The following GSAP variants were observed in gnomAD, a reference collection of about 807,000 sequenced individuals.
GSAP encodes the protein gamma-secretase activating protein, also known as gamma-secretase-activating protein.
GSAP carries 118 observed loss-of-function variants against 131.7 expected under a neutral mutation model. That is an observed-to-expected ratio of 0.90 (90% confidence interval 0.77 to 1.04). GSAP has a LOEUF of 1.04. GSAP is among the 50% of genes least tolerant of loss of function. The pLI, the probability that GSAP is intolerant of heterozygous loss-of-function variation, is 0.00. For missense variants in GSAP, 1,019 were observed against 1,013.2 expected (o/e 1.01, Z -0.08); for synonymous variants, 381 against 363.4 (o/e 1.05, Z -0.55).
intron 3 of GSAP, 128 bp downstream of exon 3, chr7:77,404,429 TTC>T (rs1267524000): frequency 3.9e-5 from 26 of 673,760 alleles, no homozygotes; most frequent in Non-Finnish European, 6.1e-5. Flanking sequence ...CAAATTGCAA[TTC>T]TGTTTTTTCA....
chr7:77,311,476 G>T, intron 30 of GSAP, 27 bp from the exon 31 acceptor site: 1 of 1,224,930 alleles, frequency 8.2e-7, no homozygotes, highest in Non-Finnish European at 1.2e-6. Context: ...AGAGGGCAGG[G>T]AAAAAGGGTT....
intron 6 of GSAP, among the ~76,000 whole-genome samples, chr7:77,382,875 T>C (rs985306921): frequency 2.6e-5 from 4 of 152,214 alleles, no homozygotes; most frequent in African/African-American, 9.6e-5. Context: ...TACAACACTA[T>C]CTTCACTTAT....
intron 9 of GSAP, 37 bp downstream of exon 9, chr7:77,377,249 A>AAG: frequency 7.2e-7 from 1 of 1,386,050 alleles, no homozygotes; most frequent in African/African-American, 1.5e-5. Context: ...AAAAAAAAAA[A>AAG]AAAAAAAAAG....
chr7:77,337,376 T>C (rs1416074321), intron 19 of GSAP, among the ~76,000 whole-genome samples: 1 of 152,118 alleles, frequency 6.6e-6, no homozygotes, highest in Non-Finnish European at 1.5e-5. Context: ...GGTTTCACCA[T>C]GTTGGCCAGG....
At chr7:77,314,578 T>TGAAC in intron 26 of GSAP, 89 bp from the exon 27 acceptor site, 9 of 1,443,444 alleles carry the variant, frequency 6.2e-6, no homozygotes, top group African/African-American at 1.4e-5. Context: ...AATAAAGCAC[T>TGAAC]TAGTTCAGTG....
In GSAP at chr7:77,360,874, A is replaced by T. The variant is rs1412442792; in HGVS notation, c.977T>A (p.Leu326His). The T allele has an allele frequency of 4.4e-6, 7 of 1,603,880 alleles. No individual in the cohort carries two copies. Among genetic ancestry groups the T allele is most frequent in the Non-Finnish European group, 6.0e-6 (7 of 1,170,936 alleles). Reference protein sequence around the residue: ...KGHSKTFTTSLENVGSHMTKG... With the variant: ...KGHSKTFTTSHENVGSHMTKG... Reference sequence around the variant, plus strand: ...TGTCATGTGTGACCCAACATTCTCAAGAGAAGTGGTGAAGGTCTTGCTGTG... The same window carrying T: ...TGTCATGTGTGACCCAACATTCTCATGAGAAGTGGTGAAGGTCTTGCTGTG... The change falls in exon 14 of 31, where the codon CTT (leucine) becomes CAT (histidine). Residue 326 changes from leucine to histidine, a missense_variant. Transcript: ENST00000257626.
At chr7:77,410,533 A>C (rs1310413289) in intron 1 of GSAP, among the ~76,000 whole-genome samples, 1 of 152,248 alleles carries the variant, frequency 6.6e-6, no homozygotes, top group Non-Finnish European at 1.5e-5. Flanking sequence ...CTCATGAATA[A>C]AACAATGTAG....
At chr7:77,415,902 C>T in intron 1 of GSAP, 1 of 296,302 alleles carries the variant, frequency 3.4e-6, no homozygotes, top group Non-Finnish European at 6.3e-6. Context: ...CTGCCCTCGC[C>T]GTGAGGTGAT....
At position 77,329,894 on chromosome 7, in the gene GSAP, C is replaced by T. The variant is rs115652864; in HGVS notation, c.1674+345G>A. ...CGTCCACTATTCTCCCTCCAACTAC[C>T]CCAACCCCTAATGACCACTAAGTTG... On this transcript the variant is annotated intron_variant, in intron 20 of 30. Coordinates refer to ENST00000257626, the MANE Select transcript of GSAP (RefSeq NM_017439.4). The T allele has an allele frequency of 7.4e-3, 1,293 of 174,282 alleles. 15 individuals are homozygous for T. Among genetic ancestry groups the T allele is most frequent in the African/African-American group, 0.028 (1,194 of 42,190 alleles). The allele number at this position is 174,282 out of a possible 1,614,324, so 10.8% of individuals were successfully genotyped here. A position where few individuals can be genotyped will look rare whatever the true frequency, so the allele number is the denominator to read the frequency against.
At chr7:77,376,220 T>C (rs1204851352) in intron 10 of GSAP, among the ~76,000 whole-genome samples, 1 of 152,194 alleles carries the variant, frequency 6.6e-6, no homozygotes, top group African/African-American at 2.4e-5. Context: ...GCCATTACTT[T>C]TAAATGATTA....
chr7:77,394,323 T>C (rs1276188203), intron 5 of GSAP, among the ~76,000 whole-genome samples: 1 of 152,204 alleles, frequency 6.6e-6, no homozygotes, highest in East Asian at 1.9e-4. Context: ...ACCTCCTCAC[T>C]ATCCTTGAAC....
At chr7:77,404,484 A>C (rs1300611688) in intron 3 of GSAP, 75 bp downstream of exon 3, 5 of 765,648 alleles carry the variant, frequency 6.5e-6, no homozygotes, top group Non-Finnish European at 9.0e-6. Flanking sequence ...GTTGGAATTT[A>C]TATCTAGAAA....
chr7:77,407,234 T>C (rs1463392597), intron 1 of GSAP, among the ~76,000 whole-genome samples: 1 of 152,240 alleles, frequency 6.6e-6, no homozygotes. Flanking sequence ...ATGTCCTTTA[T>C]TTCTAATAAT....
At position 77,355,340 on chromosome 7, in the gene GSAP, T is replaced by C. The variant is rs748170276; in HGVS notation, c.1211A>G (p.Tyr404Cys). 2.5e-6 allele frequency: 4 copies of C among 1,612,780 alleles called. No individual in the cohort carries two copies. Among genetic ancestry groups the C allele is most frequent in the South Asian group, 2.2e-5 (2 of 91,050 alleles). ...AGACGACTGGCTGAGCAGTGCTCTATAGAGCTTTCCAGAACAACAATCCAA... is the reference window on the plus strand; with the variant it reads ...AGACGACTGGCTGAGCAGTGCTCTACAGAGCTTTCCAGAACAACAATCCAA... The part of the protein sequence containing the change: ...LVLDCCSGKL[Y>C]RALLSQSSLL... Residue 404 changes from tyrosine to cysteine, a missense_variant, in exon 16 of 31, where the codon TAT becomes TGT. Physicochemically the swap from Tyr to Cys is radical, Grantham distance 194 (BLOSUM62 -2). Transcript: ENST00000257626.
chr7:77,359,216 C>G (rs939666594), intron 14 of GSAP, among the ~76,000 whole-genome samples: 1 of 151,516 alleles, frequency 6.6e-6, no homozygotes, highest in Non-Finnish European at 1.5e-5. Context: ...AAAAAAGAAA[C>G]TATTAATAAT....
At position 77,355,642 on chromosome 7, in the gene GSAP, A is replaced by C; in HGVS notation, c.1033T>G (p.Tyr345Asp). Residue 345 changes from tyrosine (Y) to aspartate (D), a missense_variant, in exon 15 of 31, where the codon TAT (tyrosine) becomes GAT (aspartate). Transcript: ENST00000257626. The part of the protein sequence containing the change: ...KGITFLNLDY[Y>D]VAVYLPGHFF... ...TGACCAGGTAAGTAAACAGCCACATAATAGTCTATAGAAGAGAAAGATTTA... is the reference window on the plus strand; with the variant it reads ...TGACCAGGTAAGTAAACAGCCACATCATAGTCTATAGAAGAGAAAGATTTA... 6.5e-7 allele frequency: 1 copy of C among 1,548,456 alleles called. No homozygotes were observed. The highest frequency in any genetic ancestry group is 8.9e-7 in the Non-Finnish European group (1 of 1,120,024).
intron 12 of GSAP, among the ~76,000 whole-genome samples, chr7:77,373,264 C>T (rs1796403707): frequency 1.3e-5 from 2 of 152,146 alleles, no homozygotes; most frequent in African/African-American, 4.8e-5. Context: ...AACCTTTACG[C>T]TAATAAAGAT....
chr7:77,414,821 A>T (rs1350897397), intron 1 of GSAP, among the ~76,000 whole-genome samples: 2 of 139,706 alleles, frequency 1.4e-5, no homozygotes, highest in African/African-American at 5.2e-5. Flanking sequence ...AAGCCTTCAA[A>T]AACTTTTCAG....
At chr7:77,397,581 C>T (rs1386375817) in intron 3 of GSAP, among the ~76,000 whole-genome samples, 166 bp from the exon 4 acceptor site, 1 of 152,044 alleles carries the variant, frequency 6.6e-6, no homozygotes, top group Non-Finnish European at 1.5e-5. Flanking sequence ...GTACTCTTTA[C>T]CAAAAAAAAG....
Sources: gnomAD v4.1 joint callset for allele counts (sites outside exome capture counted in the v4.1 genomes callset) on GRCh38, gnomAD v4.1.1 for gene constraint, MANE v1.5 for transcripts, NCBI Gene and HGNC (gene_info 2026-07-23, HGNC 2026-07-21) for gene names.